Variants in SOD2 observed in about 807,000 individuals in gnomAD.
SOD2 encodes the protein superoxide dismutase 2, also known as superoxide dismutase [Mn], mitochondrial.
Under a neutral mutation model 27.0 loss-of-function variants are expected in SOD2, and 11 were observed. The ratio of observed to expected loss-of-function variants is 0.41; its 90% CI spans 0.26 to 0.67. The LOEUF (loss-of-function observed/expected upper bound fraction) is 0.67. SOD2 is among the 30% of genes least tolerant of loss of function. The pLI is 0.34. For missense variants in SOD2, 250 were observed against 274.5 expected (o/e 0.91, Z 0.63); for synonymous variants, 105 against 103.0 (o/e 1.02, Z -0.12).
chr6:159,724,168 A>T (rs958416810), intron 1 of SOD2, among the ~76,000 whole-genome samples: 10 of 150,004 alleles, frequency 6.7e-5, no homozygotes, highest in Non-Finnish European at 8.9e-5. Context: ...TAAATTTTTT[A>T]AAAAATGGAG....
chr6:159,694,743 G>A (rs540008565), upstream of SOD2, among the ~76,000 whole-genome samples: 345 of 147,134 alleles, frequency 2.3e-3, 2 homozygotes, highest in Non-Finnish European at 3.4e-3. Flanking sequence ...TTACAGGCGT[G>A]CACCTCCACG....
At chr6:159,753,742 G>A in intron 1 of SOD2, 3 of 1,188,224 alleles carry the variant, frequency 2.5e-6, no homozygotes, top group Non-Finnish European at 3.4e-6. Flanking sequence ...GTATATTATT[G>A]TGAGTGAAGC....
intron 2 of SOD2, among the ~76,000 whole-genome samples, chr6:159,688,805 C>T (rs1386263164): frequency 6.6e-6 from 1 of 152,172 alleles, no homozygotes; most frequent in East Asian, 1.9e-4. Flanking sequence ...CCCTTCACCC[C>T]ACATCCAATC....
intron 1 of SOD2, among the ~76,000 whole-genome samples, chr6:159,751,152 A>G (rs1242310321): frequency 6.6e-6 from 1 of 152,228 alleles, no homozygotes; most frequent in Non-Finnish European, 1.5e-5. Context: ...TTGTAATTAA[A>G]TTATTTTTTC....
chr6:159,737,488 T>C (rs1317778988), intron 1 of SOD2, among the ~76,000 whole-genome samples: 3 of 150,522 alleles, frequency 2.0e-5, no homozygotes, highest in Non-Finnish European at 4.4e-5. Context: ...AAAGCCTTTA[T>C]TTTATTTTTA....
chr6:159,756,013 GCA>G (rs1780001945), intron 1 of SOD2: 1 of 163,920 alleles, frequency 6.1e-6, no homozygotes, highest in Non-Finnish European at 1.3e-5. Context: ...CTGTACTTAT[GCA>G]CCATTCAGAC....
At chr6:159,713,148 G>C (rs1777861503) in intron 1 of SOD2, 3 of 1,232,484 alleles carry the variant, frequency 2.4e-6, no homozygotes, top group Non-Finnish European at 3.4e-6. Context: ...GTGGTGCTCT[G>C]GAAACTGGAC....
chr6:159,722,859 A>AAAT (rs1167606629), intron 1 of SOD2, among the ~76,000 whole-genome samples: 1 of 152,206 alleles, frequency 6.6e-6, no homozygotes, highest in Non-Finnish European at 1.5e-5. Context: ...CCAGGAAGCT[A>AAAT]AATAATAACT....
chr6:159,701,167 T>C (rs1777517013), intron 1 of SOD2, among the ~76,000 whole-genome samples: 1 of 152,178 alleles, frequency 6.6e-6, no homozygotes, highest in African/African-American at 2.4e-5. Flanking sequence ...ATGGTTAGCA[T>C]GCTCAAAGAT....
intron 1 of SOD2, among the ~76,000 whole-genome samples, chr6:159,754,661 A>G (rs1779938466): frequency 6.6e-6 from 1 of 152,194 alleles, no homozygotes; most frequent in South Asian, 2.1e-4. Context: ...TACCTAATAC[A>G]ATATAAATGC....
intron 1 of SOD2, among the ~76,000 whole-genome samples, chr6:159,723,498 C>G (rs905599149): frequency 6.6e-6 from 1 of 152,206 alleles, no homozygotes; most frequent in African/African-American, 2.4e-5. Flanking sequence ...CGTCCCAGAG[C>G]TGGAATCAGC....
chr6:159,742,275 C>CCTATGT, intron 1 of SOD2: 1 of 705,214 alleles, frequency 1.4e-6, no homozygotes, highest in Non-Finnish European at 2.3e-6. Context: ...TGTACATAGG[C>CCTATGT]ACTGTGTTGG....
chr6:159,746,301 C>T (rs1282665123), upstream of SOD2, among the ~76,000 whole-genome samples: 1 of 152,036 alleles, frequency 6.6e-6, no homozygotes, highest in African/African-American at 2.4e-5. Context: ...ATAGGTTAAG[C>T]GAATGGTTGA....
rs756878036 is a variant in SOD2 at position 159,685,009 on chromosome 6, C to T, written c.368G>A (p.Arg123His). The T allele has an allele frequency of 1.9e-5, 30 of 1,605,452 alleles. No homozygotes were observed. The highest frequency in any genetic ancestry group is 4.5e-5 in the East Asian group (2 of 44,684). Reference protein sequence around the residue: ...PKGELLEAIKRDFGSFDKFKE... With the variant: ...PKGELLEAIKHDFGSFDKFKE... Reference sequence around the variant, plus strand: ...AAACTTGTCAAAGGAACCAAAGTCACGTTTGATGGCTTCCAGCAACTCCCC... The same window carrying T: ...AAACTTGTCAAAGGAACCAAAGTCATGTTTGATGGCTTCCAGCAACTCCCC... The change falls in exon 4 of 5, where the codon CGT becomes CAT. Residue 123 changes from arginine (R) to histidine (H), a missense_variant. Transcript: ENST00000538183.
At chr6:159,732,052 A>C (rs1363984662), upstream of SOD2, among the ~76,000 whole-genome samples, 5 of 152,194 alleles carry the variant, frequency 3.3e-5, no homozygotes, top group African/African-American at 1.2e-4. Context: ...AAATCCTGGC[A>C]TAGGAATTTG....
intron 1 of SOD2, among the ~76,000 whole-genome samples, chr6:159,722,747 T>G (rs988593232): frequency 6.6e-6 from 1 of 152,116 alleles, no homozygotes; most frequent in African/African-American, 2.4e-5. Context: ...ACTAGCCCAG[T>G]AAACCAACCA....
At chr6:159,738,875 A>G (rs6930976) in intron 1 of SOD2, 131,843 of 648,434 alleles carry the variant, frequency 0.2, 14,718 homozygotes, top group East Asian at 0.38. Flanking sequence ...TCAAAAAATC[A>G]TAATATGTAC....
intron 1 of SOD2, among the ~76,000 whole-genome samples, chr6:159,701,203 G>A (rs377678767): frequency 9.2e-5 from 14 of 152,228 alleles, no homozygotes; most frequent in African/African-American, 3.1e-4. Flanking sequence ...AAGGCAAGAC[G>A]CTAGAGAAGG....
At chr6:159,758,431 G>C (rs1467362144) in intron 1 of SOD2, among the ~76,000 whole-genome samples, 1 of 152,064 alleles carries the variant, frequency 6.6e-6, no homozygotes, top group Non-Finnish European at 1.5e-5. Flanking sequence ...CAGGTGTATT[G>C]GATACAACTG....
Sources: allele counts gnomAD v4.1 joint callset (sites outside exome capture counted in the v4.1 genomes callset), GRCh38; gene constraint gnomAD v4.1.1; transcripts MANE v1.5; gene names NCBI Gene and HGNC (gene_info 2026-07-23, HGNC 2026-07-21).